MYLIP: variants seen among roughly 807,000 people sequenced by gnomAD.
MYLIP encodes E3 ubiquitin-protein ligase MYLIP.
In MYLIP, 26 loss-of-function variants were observed where a neutral mutation model predicts 45.8. The ratio of observed to expected loss-of-function variants is 0.57; its 90% confidence interval spans 0.42 to 0.79. MYLIP has a LOEUF of 0.79. MYLIP is among the 30% of genes least tolerant of loss of function. The pLI is 0.00. For missense variants in MYLIP, 494 were observed against 555.6 expected (o/e 0.89, Z 1.11); for synonymous variants, 213 against 218.1 (o/e 0.98, Z 0.21).
intron 5 of MYLIP, among the ~76,000 whole-genome samples, chr6:16,144,640 G>A (rs1327893742): frequency 6.6e-6 from 1 of 152,210 alleles, no homozygotes; most frequent in African/African-American, 2.4e-5. Flanking sequence ...AGTAGCGTCT[G>A]TCCTGGGGAG....
chr6:16,145,340 T>C, intron 6 of MYLIP, 23 bp downstream of exon 6: 1 of 1,553,676 alleles, frequency 6.4e-7, no homozygotes, highest in South Asian at 1.2e-5. Flanking sequence ...GCTGCCCACT[T>C]TTGCCTGCAG....
In MYLIP at chr6:16,143,822, C is replaced by T. The variant is rs770715660; in HGVS notation, c.786C>T (p.Ser262=). The change falls in exon 5 of 7, where the codon AGC becomes AGT. Residue 262 remains serine, a synonymous_variant. Transcript: ENST00000356840. ...AAATGATCAGCACCAGGGCGGCCAG[C>T]GGGCTCTACCGAGCGATAACAGAGA... ...LFKMISTRAA[S]GLYRAITETH... is the part of the protein sequence containing the mutation. 32 of 1,612,914 alleles carry T rather than the reference C, an allele frequency of 2.0e-5. No homozygotes were observed. The highest frequency in any genetic ancestry group is 1.2e-4 in the African/African-American group (9 of 74,584).
chr6:16,146,922 A>C lies in MYLIP; in HGVS notation c.*171A>C. On this transcript the variant is annotated 3_prime_UTR_variant, in exon 7 of 7. Coordinates refer to ENST00000356840, the MANE Select transcript of MYLIP (RefSeq NM_013262.4). ...CAGCTACTCCTCACTGCAAAAACAT[A>C]TCCATGCGTAGAATCAACAACTCCA... 1.8e-6 allele frequency: 1 copy of C among 549,102 alleles called. No homozygotes were observed. Among genetic ancestry groups the C allele is most frequent in the Non-Finnish European group, 3.2e-6 (1 of 311,278 alleles). 34.0% of individuals were successfully genotyped at this position (549,102 alleles called of 1,614,324 possible).
rs1211512419 is a variant in MYLIP, at chr6:16,129,543, C to A, written c.87+134C>A. 6.1e-6 allele frequency: 5 copies of A among 823,508 alleles called. No individual in the cohort carries two copies. The highest frequency in any genetic ancestry group is 7.3e-6 in the Non-Finnish European group (4 of 545,894). 51.0% of individuals were successfully genotyped at this position (823,508 alleles called of 1,614,324 possible). On this transcript the variant is annotated intron_variant, in intron 1 of 6. Coordinates refer to ENST00000356840, the MANE Select transcript of MYLIP (RefSeq NM_013262.4). This position sits in a 1 kb window ranked among gnomAD's most constrained non-coding sequence, Gnocchi z 5.1. Reference sequence around the variant, plus strand: ...GCGGCGGCAGCCGGGGGGAGCGCGTCCCCTCCTCTCCACGGGCGTGGGGCG... The same window carrying A: ...GCGGCGGCAGCCGGGGGGAGCGCGTACCCTCCTCTCCACGGGCGTGGGGCG...
chr6:16,139,611 A>T (rs1017526679), intron 2 of MYLIP, among the ~76,000 whole-genome samples: 4 of 152,248 alleles, frequency 2.6e-5, no homozygotes, highest in African/African-American at 7.2e-5. Context: ...AAGCCTTTTG[A>T]GGCCTGCAAC....
chr6:16,161,278 G>A, the MYLIP span: 1 of 371,348 alleles, frequency 2.7e-6, no homozygotes, highest in South Asian at 2.3e-5. Context: ...CAGCCTTCAT[G>A]CCAAGCCTGC....
intron 2 of MYLIP, among the ~76,000 whole-genome samples, chr6:16,133,604 T>A (rs906455901): frequency 6.6e-6 from 1 of 152,242 alleles, no homozygotes; most frequent in East Asian, 1.9e-4. Flanking sequence ...ATAATAATCA[T>A]CTTGGAAATT....
chr6:16,143,308 A>C (rs2113558430), intron 4 of MYLIP, 91 bp downstream of exon 4: 1 of 1,272,356 alleles, frequency 7.9e-7, no homozygotes, highest in South Asian at 1.3e-5. Flanking sequence ...TTTACTCGAC[A>C]GTCAGCTCTT....
rs951453125 is a variant in MYLIP, at chr6:16,141,417, G to T, written c.279-208G>T. ...TGTTAAATAAGTTTATCTTGTTTGG[G>T]TCACAACTTTTATTCCAGAGAAACG... On this transcript the variant is annotated intron_variant, in intron 2 of 6. Transcript: ENST00000356840. 11 of 431,390 alleles carry T rather than the reference G, an allele frequency of 2.5e-5. No individual in the cohort carries two copies. The Admixed American group carries it at 4.4e-4, about 17-fold the overall frequency. 26.7% of individuals were successfully genotyped at this position (431,390 alleles called of 1,614,324 possible).
chr6:16,132,068 CAT>C (rs1239491290), intron 2 of MYLIP, among the ~76,000 whole-genome samples: 19 of 152,182 alleles, frequency 1.2e-4, no homozygotes, highest in Admixed American at 7.2e-4. Context: ...TATAACACAA[CAT>C]ATTGGAATTT....
At chr6:16,151,018 T>C (rs1759871730), downstream of MYLIP, among the ~76,000 whole-genome samples, 1 of 151,814 alleles carries the variant, frequency 6.6e-6, no homozygotes, top group Non-Finnish European at 1.5e-5. Flanking sequence ...AGAAAAAAGG[T>C]ATGCCCCGTA....
chr6:16,140,194 G>A (rs1464895684), intron 2 of MYLIP, among the ~76,000 whole-genome samples: 2 of 152,200 alleles, frequency 1.3e-5, no homozygotes, highest in African/African-American at 4.8e-5. Context: ...AGCCTTGTTT[G>A]AGAGGTTATG....
rs561714482 is a variant in MYLIP at position 16,143,559 on chromosome 6, A to G, written c.663-140A>G. 1.3e-5 allele frequency: 11 copies of G among 851,744 alleles called. No individual in the cohort carries two copies. In the African/African-American group the frequency reaches 1.5e-4, roughly 12 times the overall value. The allele number at this position is 851,744 out of a possible 1,614,324, so 52.8% of individuals were successfully genotyped here. Reference sequence around the variant, plus strand: ...CACTGTATCTTTACAATAAGGCAGCATTATGGTGATGTGATAACCCCAGAG... The same window carrying G: ...CACTGTATCTTTACAATAAGGCAGCGTTATGGTGATGTGATAACCCCAGAG... On this transcript the variant is annotated intron_variant, in intron 4 of 6. Transcript: ENST00000356840.
intron 2 of MYLIP, among the ~76,000 whole-genome samples, chr6:16,133,471 T>C (rs1182342313): frequency 1.3e-5 from 2 of 152,198 alleles, no homozygotes; most frequent in Non-Finnish European, 2.9e-5. Flanking sequence ...AGGAGAGTCT[T>C]TTACTTTTCA....
chr6:16,146,860 G>T lies in MYLIP; in HGVS notation c.*109G>T. 7 of 879,540 alleles carry T rather than the reference G, an allele frequency of 8.0e-6. No homozygotes were observed. The highest frequency in any genetic ancestry group is 2.8e-5 in the Admixed American group (1 of 35,264). 54.5% of individuals were successfully genotyped at this position (879,540 alleles called of 1,614,324 possible). A position where few individuals can be genotyped will look rare whatever the true frequency, so the allele number is the denominator to read the frequency against. On this transcript the variant is annotated 3_prime_UTR_variant, in exon 7 of 7. Coordinates refer to ENST00000356840, the MANE Select transcript of MYLIP (RefSeq NM_013262.4). ...AATTATTCCAACACCCATCTGCCAT[G>T]CGATGTTAAAAAAAAAAAAAAGGAA... is the stretch of plus-strand genomic sequence containing the variant.
At chr6:16,149,368 G>A (rs1045250103), downstream of MYLIP, among the ~76,000 whole-genome samples, 50 of 152,196 alleles carry the variant, frequency 3.3e-4, no homozygotes, top group African/African-American at 1.1e-3. Context: ...AATTAGAAGG[G>A]AAGAACAGTG....
At chr6:16,153,006 C>T (rs907581001), downstream of MYLIP, among the ~76,000 whole-genome samples, 2 of 152,168 alleles carry the variant, frequency 1.3e-5, no homozygotes, top group South Asian at 2.1e-4. Flanking sequence ...GTAACCCCTA[C>T]TCCCAGCCCT....
At chr6:16,149,844 T>C (rs1322435397), downstream of MYLIP, among the ~76,000 whole-genome samples, 8 of 152,214 alleles carry the variant, frequency 5.3e-5, no homozygotes, top group Non-Finnish European at 1.0e-4. Context: ...ATGAAAATCC[T>C]GTTTCTGACT....
chr6:16,154,681 G>GTGTTTGTTTTGTTTGT, the MYLIP span, among the ~76,000 whole-genome samples: 1 of 152,096 alleles, frequency 6.6e-6, no homozygotes, highest in Non-Finnish European at 1.5e-5. Flanking sequence ...TTTTTGTTTT[G>GTGTTTGTTTTGTTTGT]CTTTGCTTTT....
Sources: allele counts gnomAD v4.1 joint callset (sites outside exome capture counted in the v4.1 genomes callset), GRCh38; gene constraint gnomAD v4.1.1; non-coding constraint Gnocchi (gnomAD v3.1); transcripts MANE v1.5; gene names NCBI Gene and HGNC (gene_info 2026-07-23, HGNC 2026-07-21).